ABCC4: variants seen among roughly 807,000 people sequenced by gnomAD.
ABCC4 encodes ATP binding cassette subfamily C member 4 (PEL blood group).
ABCC4 carries 102 observed loss-of-function variants against 168.5 expected under a neutral mutation model. That is an observed-to-expected ratio of 0.61 (90% confidence interval 0.52 to 0.71). The LOEUF (loss-of-function observed/expected upper bound fraction) is 0.71, where lower values mean the gene tolerates loss of function less well. Among genes scored for constraint, ABCC4 ranks in the 30% least tolerant of loss-of-function variants. The pLI is 0.00. For synonymous variants in ABCC4, 617 were observed against 590.7 expected, an observed-to-expected ratio of 1.04 and a Z score of -0.65; for missense variants, 1,402 against 1,605.8, an observed-to-expected ratio of 0.87 and a Z score of 2.17.
chr13:95,200,536 C>T (rs762705255), intron 8 of ABCC4, among the ~76,000 whole-genome samples: 10 of 152,058 alleles, frequency 6.6e-5, no homozygotes, highest in Non-Finnish European at 1.5e-4. Flanking sequence ...TCCTGGCCAA[C>T]GTGGTGAAAC....
chr13:95,171,801 G>A (rs184225759), intron 13 of ABCC4, among the ~76,000 whole-genome samples: 161 of 152,158 alleles, frequency 1.1e-3, no homozygotes, highest in Non-Finnish European at 1.7e-3. Context: ...CATCCTTTAC[G>A]TCCAAAAGGA....
In ABCC4 at chr13:95,073,658, A is replaced by C. The variant is rs566755851; in HGVS notation, c.2918-354T>G. On this transcript the variant is annotated intron_variant, in intron 23 of 30. Coordinates refer to ENST00000645237, the MANE Select transcript of ABCC4 (RefSeq NM_005845.5). Reference sequence around the variant, plus strand: ...TACGTGCAATGCAACCACAGCTGGAAACCACTAAAAACAAAGCAATAGGTT... The same window carrying C: ...TACGTGCAATGCAACCACAGCTGGACACCACTAAAAACAAAGCAATAGGTT... 8.3e-5 allele frequency: 16 copies of C among 192,272 alleles called. No individual in the cohort carries two copies. The East Asian group carries it at 1.9e-3, about 23-fold the overall frequency. 11.9% of individuals were successfully genotyped at this position (192,272 alleles called of 1,614,324 possible).
intron 20 of ABCC4, among the ~76,000 whole-genome samples, chr13:95,114,021 T>A (rs1219235095): frequency 6.6e-6 from 1 of 152,238 alleles, no homozygotes; most frequent in Non-Finnish European, 1.5e-5. Flanking sequence ...TTTATCATAA[T>A]TGATAACTAA....
At chr13:95,222,530 T>C (rs780497210) in intron 4 of ABCC4, among the ~76,000 whole-genome samples, 9 of 152,124 alleles carry the variant, frequency 5.9e-5, no homozygotes, top group Non-Finnish European at 1.3e-4. Flanking sequence ...CAGAAGGCTG[T>C]GGGGTGGGGG....
At chr13:95,061,746 T>C (rs754013932) in intron 26 of ABCC4, among the ~76,000 whole-genome samples, 3 of 151,384 alleles carry the variant, frequency 2.0e-5, no homozygotes, top group Non-Finnish European at 4.4e-5. Context: ...TGTGGAGGTG[T>C]TAAAGTGAAG....
At chr13:95,042,654 C>T (rs1456427601) in intron 29 of ABCC4, among the ~76,000 whole-genome samples, 1 of 152,172 alleles carries the variant, frequency 6.6e-6, no homozygotes, top group Non-Finnish European at 1.5e-5. Context: ...GGGCACACTT[C>T]AATAATGGTA....
intron 13 of ABCC4, among the ~76,000 whole-genome samples, chr13:95,175,804 C>T (rs949894691): frequency 1.3e-5 from 2 of 152,202 alleles, no homozygotes; most frequent in African/African-American, 4.8e-5. Flanking sequence ...TGATCTCACA[C>T]ATGCAGTCTC....
intron 10 of ABCC4, among the ~76,000 whole-genome samples, chr13:95,187,919 G>C (rs2038120900): frequency 2.0e-5 from 3 of 152,102 alleles, no homozygotes. Flanking sequence ...TTGTATATCT[G>C]TCTCACCCCA....
intron 19 of ABCC4, among the ~76,000 whole-genome samples, chr13:95,148,525 A>G (rs2036568424): frequency 6.6e-6 from 1 of 151,934 alleles, no homozygotes; most frequent in African/African-American, 2.4e-5. Flanking sequence ...ATCCAAAAAT[A>G]TAATTCTTAT....
Position 95,185,955 on chromosome 13 carries a change from C to G in ABCC4, c.1545+746G>C, listed in dbSNP as rs563489438. Among the ~76,000 whole-genome samples, 106 of 152,050 alleles carry G rather than the reference C, an allele frequency of 7.0e-4. 1 individual carries two copies. The highest frequency in any genetic ancestry group is 2.4e-3 in the African/African-American group (101 of 41,376). On this transcript the variant is annotated intron_variant, in intron 11 of 30. Transcript: ENST00000645237. ...ATGTAACCAAAAACCACCCGTACCC[C>G]AAAATCTACTGAAACAAATTTTCTT...
chr13:95,261,442 T>C (rs1382884643), intron 1 of ABCC4, among the ~76,000 whole-genome samples: 1 of 151,598 alleles, frequency 6.6e-6, no homozygotes, highest in Admixed American at 6.6e-5. Context: ...AGAGCAAGAC[T>C]CCCTATCAAA....
chr13:95,296,181 CACAAAA>C (rs1246954825), intron 1 of ABCC4, among the ~76,000 whole-genome samples: 11 of 35,968 alleles, frequency 3.1e-4, no homozygotes, highest in South Asian at 7.5e-4. Flanking sequence ...CACACACACA[CACAAAA>C]ACACAAAATT....
intron 29 of ABCC4, chr13:95,043,326 AG>A (rs1445907579): frequency 5.2e-6 from 1 of 190,496 alleles, no homozygotes; most frequent in African/African-American, 2.3e-5. Flanking sequence ...TCTTTCATTA[AG>A]GGGATCAAGC....
At chr13:95,159,019 G>A (rs2036976543) in intron 19 of ABCC4, among the ~76,000 whole-genome samples, 1 of 148,380 alleles carries the variant, frequency 6.7e-6, no homozygotes, top group African/African-American at 2.5e-5. Context: ...GGAGGTCAAG[G>A]CTACAGTGAG....
At chr13:95,230,005 T>A (rs2039574604) in intron 4 of ABCC4, among the ~76,000 whole-genome samples, 1 of 152,200 alleles carries the variant, frequency 6.6e-6, no homozygotes, top group Non-Finnish European at 1.5e-5. Flanking sequence ...AAACAGGAGA[T>A]AAGGCACTGT....
chr13:95,294,694 T>C (rs1334082183), intron 1 of ABCC4, among the ~76,000 whole-genome samples: 3 of 152,194 alleles, frequency 2.0e-5, no homozygotes, highest in Non-Finnish European at 4.4e-5. Context: ...GGCTCACGCC[T>C]GTAATCCCAG....
intron 29 of ABCC4, among the ~76,000 whole-genome samples, chr13:95,035,909 G>A (rs890595247): frequency 2.6e-5 from 4 of 152,108 alleles, no homozygotes; most frequent in African/African-American, 9.7e-5. Context: ...AGTTAATTCC[G>A]TCCCATGGTA....
intron 13 of ABCC4, among the ~76,000 whole-genome samples, chr13:95,174,827 GCT>G: frequency 6.6e-6 from 1 of 152,318 alleles, no homozygotes; most frequent in East Asian, 1.9e-4. Flanking sequence ...AGGAAACGAG[GCT>G]CTGATCAGAC....
Position 95,163,641 on chromosome 13 carries a change from AG to A in ABCC4, c.2181del (p.Tyr728MetfsTer18). 6.2e-7 allele frequency: 1 copy of A among 1,611,652 alleles called. No individual in the cohort carries two copies. Among genetic ancestry groups the A allele is most frequent in the Non-Finnish European group, 8.5e-7 (1 of 1,178,506 alleles). ...LILLNTAAQV[A>X]YVLQDWWLSY... ...GAAAGCCACCAATCTTGAAGCACAT[AG>A]GCAACCTAGGAGGGGAGAAACAACA... On this transcript the variant is annotated frameshift_variant, in exon 17 of 31. Transcript: ENST00000645237. LOFTEE classifies it high-confidence loss of function.
Sources: allele counts gnomAD v4.1 joint callset (sites outside exome capture counted in the v4.1 genomes callset), GRCh38; gene constraint gnomAD v4.1.1; transcripts MANE v1.5; gene names NCBI Gene and HGNC (gene_info 2026-07-23, HGNC 2026-07-21).